SEMA6A: variants seen among roughly 807,000 people sequenced by gnomAD.
The protein encoded by SEMA6A is semaphorin 6A.
SEMA6A carries 25 observed loss-of-function variants against 96.8 expected under a neutral mutation model. The ratio of observed to expected loss-of-function variants is 0.26; its 90% CI spans 0.19 to 0.36. The LOEUF is 0.36. Among genes scored for constraint, SEMA6A ranks in the 10% least tolerant of loss-of-function variants. SEMA6A has a pLI of 1.00. For missense variants in SEMA6A, 1,363 were observed against 1,323.1 expected, an observed-to-expected ratio of 1.03 and a Z score of -0.47; for synonymous variants, 612 against 518.0, an observed-to-expected ratio of 1.18 and a Z score of -2.46.
intron 1 of SEMA6A, among the ~76,000 whole-genome samples, chr5:116,546,854 A>G (rs1431501067): frequency 6.6e-6 from 1 of 152,110 alleles, no homozygotes; most frequent in African/African-American, 2.4e-5. Flanking sequence ...CTCTCCTCTC[A>G]CTTTAACCAT....
At chr5:116,510,410 G>C (rs1758352615) in intron 1 of SEMA6A, among the ~76,000 whole-genome samples, 1 of 152,186 alleles carries the variant, frequency 6.6e-6, no homozygotes, top group African/African-American at 2.4e-5. Flanking sequence ...TAGGAGAGCA[G>C]AAAAGAGCAG....
intron 1 of SEMA6A, among the ~76,000 whole-genome samples, chr5:116,547,943 A>G (rs991001652): frequency 1.3e-5 from 2 of 152,154 alleles, no homozygotes; most frequent in Non-Finnish European, 2.9e-5. Flanking sequence ...AAAAGTGCTG[A>G]ACCTTATCCC....
At chr5:116,461,583 T>G (rs1421713376) in intron 18 of SEMA6A, among the ~76,000 whole-genome samples, 4 of 152,164 alleles carry the variant, frequency 2.6e-5, no homozygotes, top group African/African-American at 7.2e-5. Flanking sequence ...GTCTTCCTTG[T>G]CAGGTGATGT....
Position 116,555,436 on chromosome 5 carries a change from C to T in SEMA6A, c.-39+18749G>A, listed in dbSNP as rs116528003. 1.9e-3 allele frequency among the ~76,000 whole-genome samples: 285 copies of T among 152,294 alleles called. 2 individuals are homozygous for T. The highest frequency in any genetic ancestry group is 6.5e-3 in the African/African-American group (271 of 41,554). On this transcript the variant is annotated intron_variant, in intron 1 of 18. Coordinates refer to ENST00000343348, the MANE Select transcript of SEMA6A (RefSeq NM_020796.5). Reference sequence around the variant, plus strand: ...AGACAAGTGTTTAAACCCCATGACTCAATCTGAAAATTCAGTTTATTGGTA... The same window carrying T: ...AGACAAGTGTTTAAACCCCATGACTTAATCTGAAAATTCAGTTTATTGGTA...
intron 18 of SEMA6A, among the ~76,000 whole-genome samples, chr5:116,467,288 G>T (rs1236657115): frequency 1.4e-5 from 2 of 140,644 alleles, no homozygotes; most frequent in Non-Finnish European, 3.2e-5. Flanking sequence ...ACTAAGAAGA[G>T]TGGCAAGGGA....
intron 1 of SEMA6A, chr5:116,508,225 A>T (rs1758240725): frequency 6.6e-6 from 1 of 152,222 alleles, no homozygotes; most frequent in Non-Finnish European, 1.5e-5. Flanking sequence ...GTGTGAATGC[A>T]TTCACGCTGA....
chr5:116,534,978 A>G (rs891236094), intron 1 of SEMA6A, among the ~76,000 whole-genome samples: 3 of 152,274 alleles, frequency 2.0e-5, no homozygotes, highest in Non-Finnish European at 4.4e-5. Flanking sequence ...AAAAGATGCT[A>G]ACTCATCCTT....
chr5:116,536,481 CCAAT>C (rs1759716751), intron 1 of SEMA6A: 2 of 152,162 alleles, frequency 1.3e-5, no homozygotes, highest in African/African-American at 2.4e-5. Flanking sequence ...TGGACTATGA[CCAAT>C]CAAAGTCTCA....
chr5:116,504,779 T>C, intron 2 of SEMA6A, 66 bp downstream of exon 2: 4 of 1,265,468 alleles, frequency 3.2e-6, no homozygotes, highest in Non-Finnish European at 4.5e-6. Flanking sequence ...GTTTTATTTT[T>C]TGCTAGGCTG....
chr5:116,532,106 C>T (rs1759504452), intron 1 of SEMA6A, among the ~76,000 whole-genome samples: 1 of 152,180 alleles, frequency 6.6e-6, no homozygotes, highest in Admixed American at 6.5e-5. Flanking sequence ...AATTGCCTTG[C>T]TGAGGAAATT....
intron 15 of SEMA6A, among the ~76,000 whole-genome samples, chr5:116,475,930 C>A (rs546587814): frequency 1.3e-5 from 2 of 152,184 alleles, no homozygotes; most frequent in South Asian, 4.1e-4. Context: ...TTAAAATACA[C>A]GCCTCATAGA....
chr5:116,502,259 C>A lies in SEMA6A; in HGVS notation c.169G>T (p.Asp57Tyr). 1 of 1,613,976 alleles carries A rather than the reference C, an allele frequency of 6.2e-7. No homozygotes were observed. The highest frequency in any genetic ancestry group is 8.5e-7 in the Non-Finnish European group (1 of 1,179,864). ...TTCATGATCATAATCATCTGGATGT[C>A]CAGCCTGTGCCTCTGTGTGGTGTTC... Reference protein sequence around the residue: ...GRNTTQRHRLDIQMIMIMNGT... With the variant: ...GRNTTQRHRLYIQMIMIMNGT... Residue 57 changes from aspartate (D) to tyrosine (Y), a missense_variant, in exon 3 of 19, where the codon GAC (aspartate) becomes TAC (tyrosine). This residue lies in a region of SEMA6A where 480 missense variants were observed against 559.5 expected (regional missense o/e 0.86). Coordinates refer to ENST00000343348, the MANE Select transcript of SEMA6A (RefSeq NM_020796.5).
chr5:116,492,956 CCT>C (rs148506578), intron 6 of SEMA6A, among the ~76,000 whole-genome samples: 2,071 of 152,276 alleles, frequency 0.014, 59 homozygotes, highest in East Asian at 0.055. Context: ...CACACTGTCC[CCT>C]GAGTCTAAAA....
chr5:116,540,716 TGAGA>T (rs1327565088), intron 1 of SEMA6A, among the ~76,000 whole-genome samples: 3 of 151,952 alleles, frequency 2.0e-5, no homozygotes, highest in Admixed American at 6.6e-5. Flanking sequence ...ATTTCAAGAG[TGAGA>T]GAGAGAGGGA....
At chr5:116,448,170 T>TA (rs59202921) in intron 18 of SEMA6A, among the ~76,000 whole-genome samples, 1,825 of 119,386 alleles carry the variant, frequency 0.015, 40 homozygotes, top group East Asian at 0.079. Context: ...CCGTCTCTAC[T>TA]AAAAAAAAAA....
In SEMA6A at chr5:116,477,943, A is replaced by C. The variant is rs189093719; in HGVS notation, c.1569-17T>G. 2 of 1,613,928 alleles carry C rather than the reference A, an allele frequency of 1.2e-6. No individual in the cohort carries two copies. Among genetic ancestry groups the C allele is most frequent in the East Asian group, 4.5e-5 (2 of 44,886 alleles). On this transcript the variant is annotated splice_polypyrimidine_tract_variant and intron_variant, in intron 14 of 18. Transcript: ENST00000343348. ...ATACAGGTTCTGCAGGAAGAGGATG[A>C]CCATGAGCTACCTAGGACTGTTTCC... is the stretch of plus-strand genomic sequence containing the variant.
Position 116,519,729 on chromosome 5 carries a change from A to AT in SEMA6A, c.-38-14748dup, listed in dbSNP as rs1758845030. ...CATTATACATATAATACAGACTTAC[A>AT]TAAAACACTGTGAGTTAAGAGGACC... On this transcript the variant is annotated intron_variant, in intron 1 of 18. Transcript: ENST00000343348. 2.6e-5 allele frequency among the ~76,000 whole-genome samples: 4 copies of AT among 152,250 alleles called. No homozygotes were observed. The South Asian group carries it at 8.3e-4, about 32-fold the overall frequency.
chr5:116,453,746 A>G (rs1011469025), intron 18 of SEMA6A, among the ~76,000 whole-genome samples: 6 of 152,210 alleles, frequency 3.9e-5, no homozygotes, highest in African/African-American at 1.4e-4. Flanking sequence ...GTATCATTGC[A>G]TCAAAAGCAC....
At chr5:116,572,914 T>A (rs923102765) in intron 1 of SEMA6A, among the ~76,000 whole-genome samples, 1 of 152,056 alleles carries the variant, frequency 6.6e-6, no homozygotes, top group East Asian at 1.9e-4. Context: ...CCCGCCGCTG[T>A]AAAGTGGGAG....
Sources: allele counts gnomAD v4.1 joint callset (sites outside exome capture counted in the v4.1 genomes callset), GRCh38; gene constraint gnomAD v4.1.1; regional missense constraint gnomAD v4.1.1; transcripts MANE v1.5; gene names NCBI Gene and HGNC (gene_info 2026-07-23, HGNC 2026-07-21).